The following ARHGEF1 variants were observed in gnomAD, a reference collection of about 807,000 sequenced individuals.
The protein encoded by ARHGEF1 is 115 kDa guanine nucleotide exchange factor.
In ARHGEF1, 40 loss-of-function variants were observed where a neutral mutation model predicts 119.7. That is an observed-to-expected ratio of 0.33 (90% CI 0.26 to 0.44). The LOEUF is 0.44. Ranked by LOEUF, ARHGEF1 falls within the 20% of genes least tolerant of loss-of-function variation. The pLI is 1.00. For synonymous variants in ARHGEF1, 494 were observed against 521.0 expected (o/e 0.95, Z 0.71); for missense variants, 976 against 1,268.3 (o/e 0.77, Z 3.50).
downstream of ARHGEF1, among the ~76,000 whole-genome samples, chr19:41,912,318 A>G (rs2074757450): frequency 6.6e-6 from 1 of 152,126 alleles, no homozygotes; most frequent in African/African-American, 2.4e-5. Context: ...TCTCTCACAC[A>G]CACACACACC....
rs782619422 is a variant in ARHGEF1 at position 41,906,485 on chromosome 19, G to C, written c.2520G>C (p.Pro840=). 8.9e-6 allele frequency: 14 copies of C among 1,576,880 alleles called. No homozygotes were observed. Among genetic ancestry groups the C allele is most frequent in the South Asian group, 4.7e-5 (4 of 85,406 alleles). The change falls in exon 27 of 29, where the codon CCG becomes CCC. Residue 840 remains proline, a synonymous_variant. Coordinates refer to ENST00000354532, the MANE Select transcript of ARHGEF1 (RefSeq NM_004706.4). The surrounding 1 kb of genome is among the most constrained non-coding windows in gnomAD (Gnocchi z 4.5). ...KVLSLKQLLF[P]AEEDNGAGPP... ...TGTCCCTGAAGCAGCTTCTGTTTCC[G>C]GCGGAGGAAGACAATGGGGCGGGGC...
downstream of ARHGEF1, chr19:41,908,394 G>A (rs1053290872): frequency 2.8e-5 from 34 of 1,231,256 alleles, no homozygotes; most frequent in South Asian, 2.1e-4. The surrounding 1 kb of genome is among the most constrained non-coding windows in gnomAD (Gnocchi z 6.7). Context: ...CCCTGGCAGC[G>A]CCAGGCGAGG....
At position 41,916,111 on chromosome 19, in the gene ARHGEF1, G is replaced by A. The variant is rs912298857; in HGVS notation, c.1866-6981G>A. 5.3e-5 allele frequency among the ~76,000 whole-genome samples: 8 copies of A among 151,744 alleles called. No homozygotes were observed. The highest frequency in any genetic ancestry group is 1.9e-4 in the East Asian group (1 of 5,164). On this transcript the variant is annotated intron_variant, in intron 18 of 20. Transcript: ENST00000599589. The surrounding 1 kb of genome is among the most constrained non-coding windows in gnomAD (Gnocchi z 5.4). Reference sequence around the variant, plus strand: ...CGGTGTGCAGAGGCGCTGGGCAGGCGAGGGCCCTCCTCCCTTCTCTCCCTG... The same window carrying A: ...CGGTGTGCAGAGGCGCTGGGCAGGCAAGGGCCCTCCTCCCTTCTCTCCCTG...
chr19:41,907,375 C>A lies in ARHGEF1; in HGVS notation c.*288C>A. On this transcript the variant is annotated 3_prime_UTR_variant, in exon 29 of 29. Transcript: ENST00000354532. ...TGCCTGTGGGGGCCACCCCTCCACC[C>A]CCACCCCCAAGTGCCTTCGCTCTGT... 1 of 1,535,404 alleles carries A rather than the reference C, an allele frequency of 6.5e-7. No individual in the cohort carries two copies. Among genetic ancestry groups the A allele is most frequent in the Non-Finnish European group, 8.7e-7 (1 of 1,146,630 alleles).
chr19:41,914,683 A>G (rs371424576), intron 18 of ARHGEF1, among the ~76,000 whole-genome samples: 199 of 5,464 alleles, frequency 0.036, 48 homozygotes, highest in South Asian at 0.081. Context: ...CCCTTCCACC[A>G]TCTCTGTCTC....
upstream of ARHGEF1, among the ~76,000 whole-genome samples, chr19:41,920,303 A>G (rs1251022457): frequency 6.9e-6 from 1 of 145,560 alleles, no homozygotes; most frequent in African/African-American, 2.5e-5. Flanking sequence ...ACATGCGCTC[A>G]CAGACATGAC....
chr19:41,906,405 C>A lies in ARHGEF1; in HGVS notation c.2492-52C>A. The A allele has an allele frequency of 6.6e-7, 1 of 1,505,550 alleles. No homozygotes were observed. Among genetic ancestry groups the A allele is most frequent in the Non-Finnish European group, 8.9e-7 (1 of 1,126,850 alleles). The allele number at this position is 1,505,550 out of a possible 1,614,324, so 93.3% of individuals were successfully genotyped here. A position where few individuals can be genotyped will look rare whatever the true frequency, so the allele number is the denominator to read the frequency against. On this transcript the variant is annotated intron_variant, in intron 26 of 28. Transcript: ENST00000354532. The surrounding 1 kb of genome is among the most constrained non-coding windows in gnomAD (Gnocchi z 4.5). The stretch of plus-strand genomic sequence containing the variant: ...CCCTTTGGAATCCCCCATCCCAGAT[C>A]CCAGCCCAGCCCCCTGGTCTCCTGA...
In ARHGEF1 at chr19:41,898,591, A is replaced by G; in HGVS notation, c.1267+4A>G. The G allele has an allele frequency of 6.3e-7, 1 of 1,585,098 alleles. No homozygotes were observed. Among genetic ancestry groups the G allele is most frequent in the Admixed American group, 1.8e-5 (1 of 56,446 alleles). On this transcript the variant is annotated splice_donor_region_variant and intron_variant, in intron 14 of 28. Coordinates refer to ENST00000354532, the MANE Select transcript of ARHGEF1 (RefSeq NM_004706.4). Reference sequence around the variant, plus strand: ...AAGCGGCAGGAGGTCATCAGCGGTGAGTACTGCCCCCATCACCCCACTGTG... The same window carrying G: ...AAGCGGCAGGAGGTCATCAGCGGTGGGTACTGCCCCCATCACCCCACTGTG...
intron 18 of ARHGEF1, among the ~76,000 whole-genome samples, chr19:41,914,966 C>CCG (rs1555851782): frequency 1.2e-5 from 1 of 82,664 alleles, no homozygotes; most frequent in Non-Finnish European, 2.0e-5. Context: ...ATCTCTGTCT[C>CCG]TCCCTCCCTC....
Position 41,905,405 on chromosome 19 carries a change from G to A in ARHGEF1, c.2336+144G>A, listed in dbSNP as rs116031771. ...TGTGTGCATACATGTGTGTCTGTAC[G>A]CAAGTATGTGACTGTGCGTGCATAT... On this transcript the variant is annotated intron_variant, in intron 24 of 28. Coordinates refer to ENST00000354532, the MANE Select transcript of ARHGEF1 (RefSeq NM_004706.4). The surrounding 1 kb of genome is among the most constrained non-coding windows in gnomAD (Gnocchi z 6.4). 3.3e-5 allele frequency: 24 copies of A among 722,948 alleles called. No homozygotes were observed. In the Admixed American group the frequency reaches 3.4e-4, roughly 10 times the overall value. 44.8% of individuals were successfully genotyped at this position (722,948 alleles called of 1,614,324 possible).
At position 41,906,816 on chromosome 19, in the gene ARHGEF1, C is replaced by A; in HGVS notation, c.*17+13C>A. The A allele has an allele frequency of 6.3e-7, 1 of 1,594,520 alleles. No individual in the cohort carries two copies. The highest frequency in any genetic ancestry group is 8.6e-7 in the Non-Finnish European group (1 of 1,169,332). ...CCCGCCCAGGAAGGTGAGTGGGGCA[C>A]CTGGGGGCCAGGGCGCTGTCCTGAA... On this transcript the variant is annotated intron_variant, in intron 28 of 28. Transcript: ENST00000354532. This position sits in a 1 kb window ranked among gnomAD's most constrained non-coding sequence, Gnocchi z 4.5.
chr19:41,895,115 G>C (rs1196081521), intron 11 of ARHGEF1, among the ~76,000 whole-genome samples: 1 of 150,044 alleles, frequency 6.7e-6, no homozygotes, highest in Non-Finnish European at 1.5e-5. Flanking sequence ...GAGTTCCTGG[G>C]TCTGAGGGAG....
chr19:41,919,575 G>A (rs2074825289), upstream of ARHGEF1, among the ~76,000 whole-genome samples: 1 of 151,748 alleles, frequency 6.6e-6, no homozygotes, highest in Non-Finnish European at 1.5e-5. Flanking sequence ...AAGCCCACAA[G>A]CTCAGAGACA....
Position 41,888,359 on chromosome 19 carries a change from C to A in ARHGEF1, c.111+81C>A. ...GTCCCCTCCCACCTGCAGATGCTGT[C>A]TTCTTGGCCTTTTCCCACGGTCTGT... On this transcript the variant is annotated intron_variant, in intron 3 of 28. Transcript: ENST00000354532. This position sits in a 1 kb window ranked among gnomAD's most constrained non-coding sequence, Gnocchi z 5.1. 1 of 1,391,742 alleles carries A rather than the reference C, an allele frequency of 7.2e-7. No homozygotes were observed. The highest frequency in any genetic ancestry group is 1.0e-6 in the Non-Finnish European group (1 of 996,758). The allele number at this position is 1,391,742 out of a possible 1,614,324, so 86.2% of individuals were successfully genotyped here.
chr19:41,886,303 G>A (rs1396546678), intron 1 of ARHGEF1, among the ~76,000 whole-genome samples: 1 of 152,192 alleles, frequency 6.6e-6, no homozygotes, highest in East Asian at 1.9e-4. Context: ...AAGGAGATAA[G>A]AACTTGGCAA....
In ARHGEF1 at chr19:41,894,236, A is replaced by G. The variant is rs1555847004; in HGVS notation, c.674A>G (p.Tyr225Cys). ...GCCGTGGTCAACGCCATTGGCCTGT[A>G]CATGCGCCACCTTGGGGTGCGGACC... is the stretch of plus-strand genomic sequence containing the variant. ...SAAVVNAIGL[Y>C]MRHLGVRTKS... is the part of the protein sequence containing the mutation. The change falls in exon 9 of 29, where the codon TAC becomes TGC. Residue 225 changes from tyrosine to cysteine, a missense_variant. Tyr to Cys is a radical substitution (Grantham distance 194). Coordinates refer to ENST00000354532, the MANE Select transcript of ARHGEF1 (RefSeq NM_004706.4). 3.2e-6 allele frequency: 5 copies of G among 1,557,558 alleles called. No homozygotes were observed. Among genetic ancestry groups the G allele is most frequent in the Middle Eastern group, 1.7e-4 (1 of 5,820 alleles).
chr19:41,921,848 G>A (rs1447107843), upstream of ARHGEF1, among the ~76,000 whole-genome samples: 15 of 151,668 alleles, frequency 9.9e-5, no homozygotes, highest in Admixed American at 2.6e-4. This position sits in a 1 kb window ranked among gnomAD's most constrained non-coding sequence, Gnocchi z 4.4. Context: ...CTGGGAGTCC[G>A]ACCCATCCCA....
intron 13 of ARHGEF1, chr19:41,898,070 C>T: frequency 7.4e-7 from 1 of 1,354,342 alleles, no homozygotes; most frequent in Non-Finnish European, 9.5e-7. Context: ...GGACATGGAC[C>T]CCAGTTCCGC....
In ARHGEF1 at chr19:41,893,268, C is replaced by T. The variant is rs202211558; in HGVS notation, c.615-6C>T. ...TATGTCACAAACATCTCTCTTCCTCCTACAGACATACCATCTCTACCGACG... is the reference window on the plus strand; with the variant it reads ...TATGTCACAAACATCTCTCTTCCTCTTACAGACATACCATCTCTACCGACG... On this transcript the variant is annotated splice_polypyrimidine_tract_variant and splice_region_variant and intron_variant, in intron 7 of 28. Transcript: ENST00000354532. 1.9e-6 allele frequency: 3 copies of T among 1,612,168 alleles called. No individual in the cohort carries two copies. Among genetic ancestry groups the T allele is most frequent in the Non-Finnish European group, 2.5e-6 (3 of 1,179,334 alleles).
Sources: gnomAD v4.1 joint callset for allele counts (sites outside exome capture counted in the v4.1 genomes callset) on GRCh38, gnomAD v4.1.1 for gene constraint, Gnocchi (gnomAD v3.1) non-coding constraint, MANE v1.5 for transcripts, NCBI Gene and HGNC (gene_info 2026-07-23, HGNC 2026-07-21) for gene names.